The following HMCN1 variants were observed in gnomAD, a reference collection of about 807,000 sequenced individuals.
The protein encoded by HMCN1 is hemicentin 1.
HMCN1 carries 321 observed loss-of-function variants against 625.9 expected under a neutral mutation model. The ratio of observed to expected loss-of-function variants is 0.51; its 90% CI spans 0.47 to 0.56. HMCN1 has a LOEUF of 0.56. HMCN1 is among the 20% of genes least tolerant of loss of function. The pLI, the probability that HMCN1 is intolerant of heterozygous loss-of-function variation, is 0.00. For synonymous variants in HMCN1, 2,425 were observed against 2,417.6 expected (o/e 1.00, Z -0.09); for missense variants, 6,588 against 6,887.3 (o/e 0.96, Z 1.54).
intron 29 of HMCN1, 103 bp downstream of exon 29, chr1:186,003,947 T>C: frequency 9.2e-7 from 1 of 1,085,544 alleles, no homozygotes. Context: ...TTACATAGAA[T>C]ATTATTAAAT....
Position 186,015,252 on chromosome 1 carries a change from C to G in HMCN1, c.4724C>G (p.Pro1575Arg). 6.2e-7 allele frequency: 1 copy of G among 1,613,702 alleles called. No homozygotes were observed. The highest frequency in any genetic ancestry group is 8.5e-7 in the Non-Finnish European group (1 of 1,179,774). ...CTGGAATGTGAAACACGGGGACTTC[C>G]AATGCCTGCCATTACTTGGTATAAG... ...IKLECETRGL[P>R]MPAITWYKDG... is the part of the protein sequence containing the mutation. Residue 1575 changes from proline to arginine, a missense_variant, in exon 31 of 107, where the codon CCA becomes CGA. Transcript: ENST00000271588.
rs1652515215 is a variant in HMCN1, at chr1:185,992,781, A to C, written c.3378-401A>C. Among the ~76,000 whole-genome samples, 3 of 152,172 alleles carry C rather than the reference A, an allele frequency of 2.0e-5. No individual in the cohort carries two copies. The South Asian group carries it at 6.2e-4, about 32-fold the overall frequency. ...GTCTGGCTCACCCAGCTGCATTATTACTCAATAGGAGGAATGTATTCAACT... is the reference window on the plus strand; with the variant it reads ...GTCTGGCTCACCCAGCTGCATTATTCCTCAATAGGAGGAATGTATTCAACT... On this transcript the variant is annotated intron_variant, in intron 22 of 106. Transcript: ENST00000271588.
At chr1:186,165,293 A>G in intron 98 of HMCN1, 120 bp downstream of exon 98, 1 of 895,084 alleles carries the variant, frequency 1.1e-6, no homozygotes, top group South Asian at 1.4e-5. Context: ...TTCTGTAAAC[A>G]TCCCATTTGA....
intron 11 of HMCN1, among the ~76,000 whole-genome samples, chr1:185,935,960 T>C (rs1667794886): frequency 6.6e-6 from 1 of 152,176 alleles, no homozygotes. Context: ...TTCACTTTAA[T>C]GCAGCTAAAT....
chr1:185,795,883 A>G (rs1658338023), intron 1 of HMCN1, among the ~76,000 whole-genome samples: 1 of 152,248 alleles, frequency 6.6e-6, no homozygotes, highest in South Asian at 2.1e-4. Flanking sequence ...GATACGTGCT[A>G]AAAGTTTGTT....
intron 58 of HMCN1, among the ~76,000 whole-genome samples, chr1:186,086,818 A>AGAT (rs1659518124): frequency 2.7e-4 from 1 of 3,676 alleles, no homozygotes; most frequent in Non-Finnish European, 7.4e-4. Context: ...GATAGATGAT[A>AGAT]GATAGATAGA....
intron 1 of HMCN1, among the ~76,000 whole-genome samples, chr1:185,783,195 A>G (rs900037587): frequency 1.3e-5 from 2 of 152,160 alleles, no homozygotes; most frequent in African/African-American, 4.8e-5. Context: ...TTTCAGCTCC[A>G]TCAGGTCATT....
chr1:185,735,891 A>G (rs1288156426), intron 1 of HMCN1, among the ~76,000 whole-genome samples: 3 of 152,188 alleles, frequency 2.0e-5, no homozygotes, highest in African/African-American at 7.2e-5. Flanking sequence ...TGGCAGTCTA[A>G]TGTCCACCTG....
intron 105 of HMCN1, among the ~76,000 whole-genome samples, chr1:186,183,125 A>G (rs914131474): frequency 4.6e-5 from 7 of 152,200 alleles, no homozygotes; most frequent in African/African-American, 1.7e-4. Context: ...AAGCTTTTGA[A>G]CTGTATTAAT....
intron 30 of HMCN1, among the ~76,000 whole-genome samples, chr1:186,008,986 C>G (rs1290428272): frequency 6.6e-6 from 1 of 151,894 alleles, no homozygotes; most frequent in East Asian, 1.9e-4. Context: ...TAAATAAAAG[C>G]CTTTGGAAGA....
At chr1:185,862,827 T>C (rs1045612415) in intron 2 of HMCN1, among the ~76,000 whole-genome samples, 35 of 152,200 alleles carry the variant, frequency 2.3e-4, no homozygotes, top group African/African-American at 7.7e-4. Flanking sequence ...TCTAGCCCCA[T>C]GCAATTAAGA....
intron 1 of HMCN1, among the ~76,000 whole-genome samples, chr1:185,827,608 T>C (rs1280240261): frequency 2.0e-5 from 3 of 151,576 alleles, no homozygotes; most frequent in African/African-American, 7.3e-5. Context: ...AGACAGAAAA[T>C]GGTAGGTAGC....
At position 185,987,383 on chromosome 1, in the gene HMCN1, T is replaced by G. The variant is rs1330755056; in HGVS notation, c.2936-49T>G. 7 of 1,122,816 alleles carry G rather than the reference T, an allele frequency of 6.2e-6. No homozygotes were observed. The Admixed American group carries it at 1.0e-4, about 16-fold the overall frequency. 69.6% of individuals were successfully genotyped at this position (1,122,816 alleles called of 1,614,324 possible). ...ATGTTCAACTTTAAATAGATGATTT[T>G]AAATGGAAGAACAGGTGCTCAGATT... On this transcript the variant is annotated intron_variant, in intron 19 of 106. Transcript: ENST00000271588.
intron 1 of HMCN1, among the ~76,000 whole-genome samples, chr1:185,796,193 T>C (rs536886669): frequency 3.9e-5 from 6 of 152,298 alleles, no homozygotes; most frequent in African/African-American, 1.2e-4. Context: ...AGTTAGATTC[T>C]TATAAGGAGT....
At chr1:186,086,757 CATAGAT>C (rs1312265977) in intron 58 of HMCN1, among the ~76,000 whole-genome samples, 1 of 150,656 alleles carries the variant, frequency 6.6e-6, no homozygotes, top group African/African-American at 2.4e-5. Context: ...AGATGATAGA[CATAGAT>C]AGATAGATAG....
intron 80 of HMCN1, among the ~76,000 whole-genome samples, chr1:186,121,823 A>C (rs1376738175): frequency 6.6e-6 from 1 of 152,184 alleles, no homozygotes; most frequent in Non-Finnish European, 1.5e-5. Flanking sequence ...GCAAGGACAA[A>C]GTCCTGGGGC....
chr1:185,751,586 C>G (rs975649230), intron 1 of HMCN1, among the ~76,000 whole-genome samples: 1 of 151,962 alleles, frequency 6.6e-6, no homozygotes, highest in Non-Finnish European at 1.5e-5. Flanking sequence ...CAGATATTTC[C>G]TCTCCTTACT....
intron 11 of HMCN1, among the ~76,000 whole-genome samples, chr1:185,938,928 G>T (rs1553261190): frequency 1.3e-5 from 2 of 152,008 alleles, no homozygotes; most frequent in Non-Finnish European, 2.9e-5. Context: ...GAAAAAAAAG[G>T]AATCCAAGAA....
chr1:185,891,992 T>A (rs931211967), intron 4 of HMCN1, among the ~76,000 whole-genome samples: 6 of 151,458 alleles, frequency 4.0e-5, no homozygotes, highest in Non-Finnish European at 8.8e-5. Flanking sequence ...CCACATTTCT[T>A]GGAGGTTTTG....
Sources: allele counts gnomAD v4.1 joint callset (sites outside exome capture counted in the v4.1 genomes callset), GRCh38; gene constraint gnomAD v4.1.1; transcripts MANE v1.5; gene names NCBI Gene and HGNC (gene_info 2026-07-23, HGNC 2026-07-21).